The following RBM46 variants were observed in gnomAD, a reference collection of about 807,000 sequenced individuals.
The protein encoded by RBM46 is probable RNA-binding protein 46.
Under a neutral mutation model 43.3 loss-of-function variants are expected in RBM46, and 12 were observed. That is an observed-to-expected ratio of 0.28 (90% CI 0.18 to 0.45). The LOEUF (loss-of-function observed/expected upper bound fraction) is 0.45. Ranked by LOEUF, RBM46 falls within the 20% of genes least tolerant of loss-of-function variation. The probability of loss-of-function intolerance (pLI) is 1.00; values close to 1 mark genes in which losing one functional copy is unlikely to be tolerated. For missense variants in RBM46, 412 were observed against 639.1 expected, an observed-to-expected ratio of 0.64 and a Z score of 3.83; for synonymous variants, 205 against 207.6, an observed-to-expected ratio of 0.99 and a Z score of 0.11.
At chr4:154,827,496 GT>G in intron 4 of RBM46, 1 of 1,009,458 alleles carries the variant, frequency 9.9e-7, no homozygotes, top group Non-Finnish European at 1.2e-6. Context: ...TGAATTCACT[GT>G]TTTTTATCTT....
chr4:154,808,210 A>G (rs949693292), intron 4 of RBM46, among the ~76,000 whole-genome samples: 1 of 152,022 alleles, frequency 6.6e-6, no homozygotes, highest in East Asian at 1.9e-4. Context: ...CTGTACACAA[A>G]TTCAAGGGAT....
chr4:154,781,695 C>T (rs1187929811), intron 1 of RBM46: 7 of 152,458 alleles, frequency 4.6e-5, no homozygotes, highest in South Asian at 2.1e-4. Context: ...CGGCCAGTCT[C>T]TTTGGGGCGT....
At chr4:154,818,132 T>G (rs1735545720) in intron 4 of RBM46, among the ~76,000 whole-genome samples, 1 of 152,138 alleles carries the variant, frequency 6.6e-6, no homozygotes, top group Non-Finnish European at 1.5e-5. Context: ...GTTATAATCG[T>G]TTTTATACTT....
chr4:154,808,396 T>C (rs1031450836), intron 4 of RBM46, among the ~76,000 whole-genome samples: 1 of 152,040 alleles, frequency 6.6e-6, no homozygotes, highest in African/African-American at 2.4e-5. Context: ...TACTTTTCTT[T>C]AATCCTGTTT....
chr4:154,806,926 A>C (rs1560904538), intron 4 of RBM46, among the ~76,000 whole-genome samples: 1 of 151,710 alleles, frequency 6.6e-6, no homozygotes, highest in Admixed American at 6.6e-5. Flanking sequence ...GGTGATCCTT[A>C]TTATTTTATT....
intron 1 of RBM46, among the ~76,000 whole-genome samples, chr4:154,783,499 C>A (rs1733607309): frequency 6.6e-6 from 1 of 152,142 alleles, no homozygotes; most frequent in Non-Finnish European, 1.5e-5. Context: ...TGTTATTTCT[C>A]ATTTTACTAC....
rs1247945420 is a variant in RBM46 at position 154,799,480 on chromosome 4, C to A, written c.1318C>A (p.Gln440Lys). ...TATTCCTGCTATTGCAAATGGATCC[C>A]AGAGTTACTTCATGCCAGACAAACT... Reference protein sequence around the residue: ...IVIPAIANGSQSYFMPDKLCT... With the variant: ...IVIPAIANGSKSYFMPDKLCT... The change falls in exon 4 of 5, where the codon CAG (glutamine) becomes AAG (lysine). Residue 440 changes from glutamine (Q) to lysine (K), a missense_variant. Physicochemically the swap from Gln to Lys is moderately conservative, Grantham distance 53 (BLOSUM62 1). Transcript: ENST00000281722. The A allele has an allele frequency of 9.9e-6, 16 of 1,613,238 alleles. No homozygotes were observed. The highest frequency in any genetic ancestry group is 1.3e-5 in the African/African-American group (1 of 74,888).
At chr4:154,827,776 A>C (rs1196300835) in intron 4 of RBM46, 92 bp from the exon 5 acceptor site, 15 of 1,578,786 alleles carry the variant, frequency 9.5e-6, no homozygotes, top group Middle Eastern at 1.7e-4. Context: ...ACATTATGTT[A>C]AAATGTGATT....
At chr4:154,791,219 CA>C (rs1266605454) in intron 1 of RBM46, among the ~76,000 whole-genome samples, 3 of 152,150 alleles carry the variant, frequency 2.0e-5, no homozygotes, top group African/African-American at 7.2e-5. Flanking sequence ...CTTAAATATG[CA>C]GATGATCATT....
chr4:154,816,477 T>C (rs982449538), intron 4 of RBM46, among the ~76,000 whole-genome samples: 1 of 152,178 alleles, frequency 6.6e-6, no homozygotes, highest in Admixed American at 6.5e-5. Context: ...CTAGTGTTTT[T>C]CATAATGTCA....
intron 4 of RBM46, among the ~76,000 whole-genome samples, chr4:154,806,823 T>G (rs1425505710): frequency 1.3e-5 from 2 of 151,884 alleles, no homozygotes; most frequent in Admixed American, 6.6e-5. Context: ...AACTAAATTT[T>G]CTTTTTGTAA....
chr4:154,811,665 G>A (rs1049586357), intron 4 of RBM46, among the ~76,000 whole-genome samples: 2 of 132,922 alleles, frequency 1.5e-5, no homozygotes, highest in African/African-American at 6.0e-5. Context: ...GTGTGTGTGT[G>A]TGTCTGTGTG....
At chr4:154,784,447 C>T (rs546324342) in intron 1 of RBM46, among the ~76,000 whole-genome samples, 97 of 152,294 alleles carry the variant, frequency 6.4e-4, no homozygotes, top group Middle Eastern at 3.4e-3. Context: ...ATAGTTAGCA[C>T]TTAAAGATAA....
At chr4:154,804,729 A>G (rs1004612736) in intron 4 of RBM46, among the ~76,000 whole-genome samples, 13 of 151,550 alleles carry the variant, frequency 8.6e-5, no homozygotes, top group African/African-American at 3.2e-4. Flanking sequence ...TAAAACAGGG[A>G]TGAAGAACCT....
chr4:154,811,289 G>A (rs1265785801), intron 4 of RBM46, among the ~76,000 whole-genome samples: 1 of 152,080 alleles, frequency 6.6e-6, no homozygotes, highest in Non-Finnish European at 1.5e-5. Context: ...ATGGCATTTC[G>A]AGCCAGATTT....
chr4:154,822,182 A>G (rs1344278159), intron 4 of RBM46, among the ~76,000 whole-genome samples: 1 of 151,754 alleles, frequency 6.6e-6, no homozygotes, highest in Non-Finnish European at 1.5e-5. Flanking sequence ...CATCTATGAA[A>G]TGACACCACA....
intron 1 of RBM46, among the ~76,000 whole-genome samples, chr4:154,782,826 T>G (rs1234177541): frequency 2.0e-5 from 3 of 152,206 alleles, no homozygotes; most frequent in Non-Finnish European, 4.4e-5. Flanking sequence ...ATTTTGTGTT[T>G]GAGAATGGCG....
At chr4:154,820,361 A>T (rs1735666949) in intron 4 of RBM46, 1 of 1,520,372 alleles carries the variant, frequency 6.6e-7, no homozygotes, top group Admixed American at 2.0e-5. Context: ...CACTGCTTAC[A>T]GACAGGGAAC....
intron 1 of RBM46, among the ~76,000 whole-genome samples, chr4:154,785,885 T>C (rs1733738233): frequency 6.6e-6 from 1 of 152,196 alleles, no homozygotes; most frequent in South Asian, 2.1e-4. Context: ...GTCTACAGTA[T>C]TGGAGGTCAT....
Sources: gnomAD v4.1 joint callset for allele counts (sites outside exome capture counted in the v4.1 genomes callset) on GRCh38, gnomAD v4.1.1 for gene constraint, MANE v1.5 for transcripts, NCBI Gene and HGNC (gene_info 2026-07-23, HGNC 2026-07-21) for gene names.